The following SLC4A4 variants were observed in gnomAD, a reference collection of about 807,000 sequenced individuals.
SLC4A4 encodes solute carrier family 4 member 4, also known as electrogenic sodium bicarbonate cotransporter 1.
Under a neutral mutation model 111.5 loss-of-function variants are expected in SLC4A4, and 27 were observed. The observed-to-expected ratio is 0.24, with a 90% CI of 0.18 to 0.33. SLC4A4 has a LOEUF of 0.33. Ranked by LOEUF, SLC4A4 falls within the 10% of genes least tolerant of loss-of-function variation. SLC4A4 has a pLI of 1.00. For synonymous variants in SLC4A4, 443 were observed against 463.4 expected (o/e 0.96, Z 0.57); for missense variants, 909 against 1,315.5 (o/e 0.69, Z 4.78).
At chr4:71,110,199 A>C (rs139034425) in intron 2 of SLC4A4, among the ~76,000 whole-genome samples, 41 of 152,122 alleles carry the variant, frequency 2.7e-4, no homozygotes, top group African/African-American at 8.7e-4. Context: ...CCTAGTGTAC[A>C]TTTTAATTTT....
Position 71,466,462 on chromosome 4 carries a change from C to T in SLC4A4, c.1516C>T (p.Leu506=). 1 of 1,613,550 alleles carries T rather than the reference C, an allele frequency of 6.2e-7. No individual in the cohort carries two copies. The highest frequency in any genetic ancestry group is 1.1e-5 in the South Asian group (1 of 91,074). ...ATTTTAGGGCGTGTTGGAGAGTTTC[C>T]TGGGCACTGCTGTCTCTGGAGCCAT... ...DNMQGVLESF[L]GTAVSGAIFC... The change falls in exon 13 of 26, where the codon CTG becomes TTG. Residue 506 remains leucine (L), a synonymous_variant. Transcript: ENST00000264485.
In SLC4A4 at chr4:71,419,828, G is replaced by A. The variant is rs369117224; in HGVS notation, c.808-20788G>A. Among the ~76,000 whole-genome samples the A allele has an allele frequency of 1.9e-3, 282 of 152,060 alleles. 12 individuals are homozygous for A. The South Asian group carries it at 0.052, about 28-fold the overall frequency. On this transcript the variant is annotated intron_variant, in intron 7 of 25. Transcript: ENST00000264485. ...CTGTAGACCGGAGCTGTTCCTATTCGGCCATCTTGGCTCCTCACCATCATC... is the reference window on the plus strand; with the variant it reads ...CTGTAGACCGGAGCTGTTCCTATTCAGCCATCTTGGCTCCTCACCATCATC...
At chr4:71,363,214 G>T (rs955963916) in intron 6 of SLC4A4, among the ~76,000 whole-genome samples, 2 of 152,182 alleles carry the variant, frequency 1.3e-5, no homozygotes, top group South Asian at 2.1e-4. Flanking sequence ...ACAATGGAAA[G>T]AAATCAATTT....
intron 8 of SLC4A4, 149 bp downstream of exon 8, chr4:71,440,922 T>C (rs1249753066): frequency 1.2e-6 from 1 of 862,678 alleles, no homozygotes; most frequent in Non-Finnish European, 1.9e-6. Flanking sequence ...ACTTTTATAC[T>C]GTCAAATTTC....
intron 1 of SLC4A4, among the ~76,000 whole-genome samples, chr4:71,223,283 C>T (rs974576314): frequency 6.6e-6 from 1 of 151,842 alleles, no homozygotes; most frequent in Admixed American, 6.6e-5. Flanking sequence ...TCAGGCCATT[C>T]TCCTGCCTCA....
chr4:71,536,204 C>T (rs982783148), intron 18 of SLC4A4, among the ~76,000 whole-genome samples: 1 of 151,572 alleles, frequency 6.6e-6, no homozygotes, highest in African/African-American at 2.4e-5. Flanking sequence ...CACAGCCTTA[C>T]TTCTTTACTT....
At chr4:71,139,952 A>G (rs868365388) in intron 2 of SLC4A4, among the ~76,000 whole-genome samples, 1 of 151,764 alleles carries the variant, frequency 6.6e-6, no homozygotes, top group Non-Finnish European at 1.5e-5. Context: ...TAATCCTTCT[A>G]TCTAACTGTA....
In SLC4A4 at chr4:71,394,207, G is replaced by A. The variant is rs145210210; in HGVS notation, c.731-3370G>A. Among the ~76,000 whole-genome samples, 606 of 152,146 alleles carry A rather than the reference G, an allele frequency of 4.0e-3. 1 individual carries two copies. Among genetic ancestry groups the A allele is most frequent in the Non-Finnish European group, 6.6e-3 (450 of 67,988 alleles). On this transcript the variant is annotated intron_variant, in intron 6 of 25. Coordinates refer to ENST00000264485, the MANE Select transcript of SLC4A4 (RefSeq NM_001098484.3). ...TTTGCATAGCAAAAGAAACAGCAAAGTAAACAGACAACCCACAGAGTGGGA... is the reference window on the plus strand; with the variant it reads ...TTTGCATAGCAAAAGAAACAGCAAAATAAACAGACAACCCACAGAGTGGGA...
chr4:71,532,242 T>C, intron 17 of SLC4A4, 67 bp downstream of exon 17: 1 of 987,680 alleles, frequency 1.0e-6, no homozygotes, highest in Non-Finnish European at 1.6e-6. Flanking sequence ...TATTCTAATT[T>C]ATTGTGTTTC....
chr4:71,264,783 A>T (rs1722114233), intron 3 of SLC4A4, among the ~76,000 whole-genome samples: 1 of 152,148 alleles, frequency 6.6e-6, no homozygotes, highest in African/African-American at 2.4e-5. Flanking sequence ...AGGATTTTAG[A>T]TTATTTTTTA....
rs116763766 is a variant in SLC4A4 at position 71,400,270 on chromosome 4, A to C, written c.807+2617A>C. 3.9e-3 allele frequency among the ~76,000 whole-genome samples: 601 copies of C among 152,308 alleles called. 3 individuals are homozygous for C. The highest frequency in any genetic ancestry group is 0.014 in the African/African-American group (573 of 41,556). The stretch of plus-strand genomic sequence containing the variant: ...TCTGGGCATATGCAGAAGAAATCTG[A>C]TGGCTTAAGATGCATATTACATAAA... On this transcript the variant is annotated intron_variant, in intron 7 of 25. Coordinates refer to ENST00000264485, the MANE Select transcript of SLC4A4 (RefSeq NM_001098484.3).
Position 71,560,193 on chromosome 4 carries a change from A to T in SLC4A4, c.3038A>T (p.Lys1013Met), listed in dbSNP as rs1322471938. Reference sequence around the variant, plus strand: ...GTCATTCCAGAAAAGGACAAGAAAAAGAAGGAGGATGAGAAGAAAAAGAAA... The same window carrying T: ...GTCATTCCAGAAAAGGACAAGAAAATGAAGGAGGATGAGAAGAAAAAGAAA... The part of the protein sequence containing the change: ...DDVIPEKDKK[K>M]KEDEKKKKKK... The change falls in exon 23 of 26, where the codon AAG becomes ATG. Residue 1013 changes from lysine to methionine, a missense_variant. Coordinates refer to ENST00000264485, the MANE Select transcript of SLC4A4 (RefSeq NM_001098484.3). 2 of 1,610,794 alleles carry T rather than the reference A, an allele frequency of 1.2e-6. No homozygotes were observed. The highest frequency in any genetic ancestry group is 1.7e-6 in the Non-Finnish European group (2 of 1,177,798).
At chr4:71,349,073 G>T (rs1253307545) in intron 4 of SLC4A4, among the ~76,000 whole-genome samples, 1 of 152,104 alleles carries the variant, frequency 6.6e-6, no homozygotes, top group Admixed American at 6.6e-5. Flanking sequence ...TAATATGTGG[G>T]ATATAAAGTC....
intron 6 of SLC4A4, among the ~76,000 whole-genome samples, chr4:71,362,155 AT>A (rs1560441692): frequency 6.6e-6 from 1 of 152,146 alleles, no homozygotes; most frequent in African/African-American, 2.4e-5. Flanking sequence ...TAACTTCTTC[AT>A]TTTTTGTCCC....
At chr4:71,196,834 CAAAAAAAAAAAAAAAAAAAAAAA>C (rs71212000) in intron 1 of SLC4A4, among the ~76,000 whole-genome samples, 1,186 of 20,336 alleles carry the variant, frequency 0.058, 35 homozygotes, top group Middle Eastern at 0.16. Flanking sequence ...ACTCTGTCTC[CAAAAAAAAAAAAAAAAAAAAAAA>C]AAAAAAAAAA....
chr4:71,092,683 TG>T (rs776200557), intron 1 of SLC4A4, among the ~76,000 whole-genome samples: 4 of 152,260 alleles, frequency 2.6e-5, no homozygotes, highest in Non-Finnish European at 5.9e-5. Flanking sequence ...TAAGAGTTTT[TG>T]TATTATTTGA....
intron 1 of SLC4A4, among the ~76,000 whole-genome samples, chr4:71,204,569 G>T (rs144684421): frequency 6.6e-6 from 1 of 151,984 alleles, no homozygotes; most frequent in African/African-American, 2.4e-5. Flanking sequence ...TTTTAAAATG[G>T]AATATTAAAT....
chr4:71,340,810 A>G (rs144807151), intron 4 of SLC4A4, among the ~76,000 whole-genome samples: 229 of 151,526 alleles, frequency 1.5e-3, no homozygotes, highest in African/African-American at 4.4e-3. Context: ...ATATGTAAAT[A>G]TAGTATACAA....
intron 4 of SLC4A4, among the ~76,000 whole-genome samples, chr4:71,342,261 G>A (rs1728957955): frequency 6.6e-6 from 1 of 152,128 alleles, no homozygotes; most frequent in African/African-American, 2.4e-5. Context: ...TAAAATTTTA[G>A]TTCCTAAAAC....
Sources: allele counts gnomAD v4.1 joint callset (sites outside exome capture counted in the v4.1 genomes callset), GRCh38; gene constraint gnomAD v4.1.1; transcripts MANE v1.5; gene names NCBI Gene and HGNC (gene_info 2026-07-23, HGNC 2026-07-21).